The following RGS6 variants were observed in gnomAD, a reference collection of about 807,000 sequenced individuals.
RGS6 encodes the protein regulator of G-protein signaling 6.
Under a neutral mutation model 78.5 loss-of-function variants are expected in RGS6, and 30 were observed. The observed-to-expected ratio is 0.38, with a 90% CI of 0.29 to 0.52. The LOEUF (loss-of-function observed/expected upper bound fraction) is 0.52, where lower values mean the gene tolerates loss of function less well. Among genes scored for constraint, RGS6 ranks in the 20% least tolerant of loss-of-function variants. The pLI, the probability that RGS6 is intolerant of heterozygous loss-of-function variation, is 0.85. For missense variants in RGS6, 495 were observed against 609.7 expected (o/e 0.81, Z 1.98); for synonymous variants, 206 against 206.0 (o/e 1.00, Z 0.00).
intron 2 of RGS6, among the ~76,000 whole-genome samples, chr14:72,308,233 G>C (rs1038796798): frequency 2.6e-5 from 4 of 152,064 alleles, no homozygotes; most frequent in African/African-American, 9.7e-5. Flanking sequence ...TCTTATTCTT[G>C]ATTTTAACAA....
At chr14:72,084,846 G>A (rs943039824) in intron 2 of RGS6, among the ~76,000 whole-genome samples, 1 of 152,118 alleles carries the variant, frequency 6.6e-6, no homozygotes, top group African/African-American at 2.4e-5. Context: ...TTCCTGAAGA[G>A]CGAGTTGTTC....
At chr14:71,978,855 T>G (rs2153107749) in intron 2 of RGS6, among the ~76,000 whole-genome samples, 1 of 150,838 alleles carries the variant, frequency 6.6e-6, no homozygotes, top group South Asian at 2.1e-4. Flanking sequence ...CTCCTCCTTG[T>G]ACCTCTGGTA....
intron 15 of RGS6, among the ~76,000 whole-genome samples, chr14:72,530,183 G>A (rs2097164830): frequency 6.6e-6 from 1 of 152,184 alleles, no homozygotes; most frequent in African/African-American, 2.4e-5. Context: ...GGGCAGCAGA[G>A]GGGTATTGTG....
intron 2 of RGS6, among the ~76,000 whole-genome samples, chr14:71,983,191 A>G (rs1166992341): frequency 6.6e-6 from 1 of 152,156 alleles, no homozygotes; most frequent in African/African-American, 2.4e-5. Context: ...CTGGAGCCTC[A>G]AGTCACCACA....
intron 2 of RGS6, among the ~76,000 whole-genome samples, chr14:72,281,414 G>T (rs985020646): frequency 5.3e-5 from 8 of 152,118 alleles, no homozygotes; most frequent in Non-Finnish European, 5.9e-5. Context: ...CTCCCAAAGT[G>T]CTGGGATTAC....
intron 3 of RGS6, among the ~76,000 whole-genome samples, chr14:72,380,482 C>T (rs552088561): frequency 9.4e-5 from 14 of 148,570 alleles, no homozygotes; most frequent in Admixed American, 5.3e-4. Flanking sequence ...AAAAAAAAAC[C>T]GAACAATCCA....
intron 2 of RGS6, among the ~76,000 whole-genome samples, chr14:72,251,124 T>G (rs2055650105): frequency 6.6e-6 from 1 of 152,188 alleles, no homozygotes; most frequent in Admixed American, 6.5e-5. Flanking sequence ...GAAACAATAG[T>G]TTATAAATGA....
intron 17 of RGS6, among the ~76,000 whole-genome samples, chr14:72,546,716 T>C (rs141354401): frequency 2.6e-5 from 4 of 152,108 alleles, no homozygotes; most frequent in African/African-American, 4.8e-5. Flanking sequence ...CAGACCCCAA[T>C]GTGCCAAGCA....
chr14:72,419,663 T>C (rs916556300), intron 3 of RGS6, among the ~76,000 whole-genome samples: 7 of 152,194 alleles, frequency 4.6e-5, no homozygotes, highest in African/African-American at 1.7e-4. Flanking sequence ...ATGTCAGTCA[T>C]GCCCCTGGAG....
At chr14:71,987,825 AT>A (rs1286882508) in intron 2 of RGS6, among the ~76,000 whole-genome samples, 1 of 152,346 alleles carries the variant, frequency 6.6e-6, no homozygotes, top group Admixed American at 6.5e-5. Flanking sequence ...CTTGAACTAT[AT>A]TTTAAAAAAA....
intron 17 of RGS6, chr14:72,541,066 G>A (rs1417276447): frequency 7.4e-7 from 1 of 1,348,780 alleles, no homozygotes; most frequent in South Asian, 1.2e-5. Flanking sequence ...TCAATCACGG[G>A]GCCCATCCTG....
chr14:72,543,096 C>T (rs535909884), intron 17 of RGS6, among the ~76,000 whole-genome samples: 64 of 152,308 alleles, frequency 4.2e-4, no homozygotes, highest in African/African-American at 1.1e-3. Context: ...ATTTTGCAGA[C>T]TGAAACCACA....
chr14:71,974,668 T>C (rs1056191319), intron 2 of RGS6, among the ~76,000 whole-genome samples: 1 of 152,258 alleles, frequency 6.6e-6, no homozygotes. Flanking sequence ...GATTTTTTCA[T>C]TTTTTAAAAT....
chr14:72,374,655 C>T (rs1382538705), intron 3 of RGS6, among the ~76,000 whole-genome samples: 1 of 152,076 alleles, frequency 6.6e-6, no homozygotes, highest in African/African-American at 2.4e-5. Context: ...TCACTGGAAA[C>T]ATAAGAAAAC....
Position 72,383,177 on chromosome 14 carries a change from CATATATATATATATATATATAT to C in RGS6, c.184+30999_184+31020del, listed in dbSNP as rs35175623. 8.6e-4 allele frequency among the ~76,000 whole-genome samples: 61 copies of C among 71,030 alleles called. 1 individual carries two copies. The highest frequency in any genetic ancestry group is 2.9e-3 in the East Asian group (10 of 3,498). The allele number at this position is 71,030 out of a possible 152,430, so 46.6% of individuals were successfully genotyped here. A position where few individuals can be genotyped will look rare whatever the true frequency, so the allele number is the denominator to read the frequency against. ...TATTTACAGCCATGAAAAAATTGTA[CATATATATATATATATATATAT>C]ATATATATATATATACACACAAACA... is the stretch of plus-strand genomic sequence containing the variant. On this transcript the variant is annotated intron_variant, in intron 3 of 17. Coordinates refer to ENST00000553525, the MANE Select transcript of RGS6 (RefSeq NM_001204424.2).
At chr14:71,915,318 T>C in the RGS6 span, among the ~76,000 whole-genome samples, 3 of 152,032 alleles carry the variant, frequency 2.0e-5, no homozygotes, top group African/African-American at 7.2e-5. Flanking sequence ...AAGTTGTCTG[T>C]CAGGTAAACC....
intron 2 of RGS6, among the ~76,000 whole-genome samples, chr14:72,226,824 T>C (rs847313): frequency 0.32 from 48,809 of 152,244 alleles, 8,778 homozygotes; most frequent in South Asian, 0.46. Context: ...TGCCTCAGCC[T>C]CCAGGCGCAT....
At chr14:72,330,328 T>A (rs1423525941) in intron 2 of RGS6, among the ~76,000 whole-genome samples, 1 of 152,224 alleles carries the variant, frequency 6.6e-6, no homozygotes, top group East Asian at 1.9e-4. Context: ...AAGGAGCAGG[T>A]ATTCCAAGTC....
intron 2 of RGS6, among the ~76,000 whole-genome samples, chr14:72,036,268 T>C (rs2091700869): frequency 6.7e-6 from 1 of 150,312 alleles, no homozygotes; most frequent in Non-Finnish European, 1.5e-5. Flanking sequence ...ATAACCCGTT[T>C]TGTTTTGTTT....
Sources: gnomAD v4.1 joint callset for allele counts (sites outside exome capture counted in the v4.1 genomes callset) on GRCh38, gnomAD v4.1.1 for gene constraint, MANE v1.5 for transcripts, NCBI Gene and HGNC (gene_info 2026-07-23, HGNC 2026-07-21) for gene names.